GPT2: variants seen among roughly 807,000 people sequenced by gnomAD.
The protein encoded by GPT2 is glutamic--pyruvic transaminase 2.
In GPT2, 30 loss-of-function variants were observed where a neutral mutation model predicts 56.9. The ratio of observed to expected loss-of-function variants is 0.53; its 90% CI spans 0.39 to 0.72. GPT2 has a LOEUF of 0.72. Ranked by LOEUF, GPT2 falls within the 30% of genes least tolerant of loss-of-function variation. GPT2 has a pLI of 0.00. For missense variants in GPT2, 542 were observed against 703.4 expected (o/e 0.77, Z 2.60); for synonymous variants, 271 against 283.1 (o/e 0.96, Z 0.43).
chr16:46,922,559 C>A, intron 9 of GPT2, 143 bp downstream of exon 9: 1 of 704,408 alleles, frequency 1.4e-6, no homozygotes, highest in Non-Finnish European at 2.3e-6. Context: ...CTCTTCAGAG[C>A]CTGAACCACC....
chr16:46,885,242 C>T, intron 2 of GPT2: 1 of 1,194,816 alleles, frequency 8.4e-7, no homozygotes, highest in Non-Finnish European at 1.0e-6. Flanking sequence ...GTCTGCCCTA[C>T]TCTCGTGGAA....
At chr16:46,898,230 C>G (rs565160975) in intron 3 of GPT2, among the ~76,000 whole-genome samples, 1 of 152,146 alleles carries the variant, frequency 6.6e-6, no homozygotes, top group Non-Finnish European at 1.5e-5. Flanking sequence ...CTTGGTGAGG[C>G]GATGAGTGCA....
intron 3 of GPT2, among the ~76,000 whole-genome samples, chr16:46,898,185 A>T (rs997359611): frequency 6.6e-6 from 1 of 152,112 alleles, no homozygotes; most frequent in Non-Finnish European, 1.5e-5. Flanking sequence ...GGCAGGTGGA[A>T]GTTGGCAGAG....
intron 4 of GPT2, among the ~76,000 whole-genome samples, chr16:46,905,894 G>A (rs1567337522): frequency 6.6e-6 from 1 of 151,986 alleles, no homozygotes; most frequent in Non-Finnish European, 1.5e-5. Context: ...AGGACCATTC[G>A]TTAGTTTTAC....
chr16:46,924,188 C>G, intron 9 of GPT2: 1 of 658,728 alleles, frequency 1.5e-6, no homozygotes, highest in South Asian at 1.6e-5. Flanking sequence ...ACCCCACCCA[C>G]TCCGTCTGTG....
At chr16:46,926,357 G>A (rs932170845) in intron 10 of GPT2, among the ~76,000 whole-genome samples, 3 of 151,994 alleles carry the variant, frequency 2.0e-5, no homozygotes, top group South Asian at 2.1e-4. Context: ...GCTGAGGCAG[G>A]AGAATTGCTT....
intron 4 of GPT2, among the ~76,000 whole-genome samples, chr16:46,902,539 A>C (rs1252529433): frequency 6.6e-6 from 1 of 152,172 alleles, no homozygotes; most frequent in Non-Finnish European, 1.5e-5. Context: ...GTAAAAAGAA[A>C]TGGAGCATGT....
At chr16:46,889,607 G>C (rs11865477) in intron 2 of GPT2, among the ~76,000 whole-genome samples, 1 of 152,044 alleles carries the variant, frequency 6.6e-6, no homozygotes. Flanking sequence ...TGAACCCTCC[G>C]CCTACCCAGC....
Position 46,924,384 on chromosome 16 carries a change from A to G in GPT2, c.1213-5A>G. 1 of 1,613,630 alleles carries G rather than the reference A, an allele frequency of 6.2e-7. No individual in the cohort carries two copies. Among genetic ancestry groups the G allele is most frequent in the Non-Finnish European group, 8.5e-7 (1 of 1,179,520 alleles). On this transcript the variant is annotated splice_polypyrimidine_tract_variant and splice_region_variant and intron_variant, in intron 9 of 11. Transcript: ENST00000340124. Reference sequence around the variant, plus strand: ...GACTGCTGTGCTGTTTCCATCTCTCATCAGGAGAAGGAGTCGGTCCTGGGT... The same window carrying G: ...GACTGCTGTGCTGTTTCCATCTCTCGTCAGGAGAAGGAGTCGGTCCTGGGT...
At chr16:46,903,139 C>G (rs1567336675) in intron 4 of GPT2, among the ~76,000 whole-genome samples, 1 of 151,396 alleles carries the variant, frequency 6.6e-6, no homozygotes, top group Non-Finnish European at 1.5e-5. Context: ...ATCCCAGCTA[C>G]TTGGGAGACT....
rs753964633 is a variant in GPT2 at position 46,897,764 on chromosome 16, G to A, written c.333+27G>A. The A allele has an allele frequency of 8.7e-6, 14 of 1,605,140 alleles. 1 individual carries two copies. In the South Asian group the frequency reaches 1.5e-4, roughly 18 times the overall value. On this transcript the variant is annotated intron_variant, in intron 3 of 11. Coordinates refer to ENST00000340124, the MANE Select transcript of GPT2 (RefSeq NM_133443.4). ...TGAGCCGCCCCCAGGAGCAGAGGCT[G>A]CAGGAGGGCAGGGCCCTGGGCTGGG...
chr16:46,896,602 C>T (rs564829336), intron 2 of GPT2, among the ~76,000 whole-genome samples: 23 of 152,276 alleles, frequency 1.5e-4, no homozygotes, highest in African/African-American at 4.3e-4. Context: ...TAGACCATTG[C>T]GGTAGAGCTG....
Position 46,884,370 on chromosome 16 carries a change from C to CGCCGGGCGCGGGG in GPT2, c.-119_-107dup, listed in dbSNP as rs1960436623. ...GAGCGCAGGGGCCGGGCGGCGCGGG[C>CGCCGGGCGCGGGG]GCCGGGCGCGGGGATGCGGCTGTGG... On this transcript the variant is annotated 5_prime_UTR_variant, in exon 1 of 12. Coordinates refer to ENST00000340124, the MANE Select transcript of GPT2 (RefSeq NM_133443.4). The CGCCGGGCGCGGGG allele has an allele frequency of 5.5e-6, 1 of 181,850 alleles. No individual in the cohort carries two copies. The highest frequency in any genetic ancestry group is 1.1e-5 in the Non-Finnish European group (1 of 88,116). 11.3% of individuals were successfully genotyped at this position (181,850 alleles called of 1,614,324 possible). A position where few individuals can be genotyped will look rare whatever the true frequency, so the allele number is the denominator to read the frequency against.
chr16:46,905,383 T>C (rs1344758137), intron 4 of GPT2, among the ~76,000 whole-genome samples: 1 of 152,172 alleles, frequency 6.6e-6, no homozygotes, highest in African/African-American at 2.4e-5. Flanking sequence ...TCCTCCTCGA[T>C]GCCAGGCCTG....
chr16:46,921,199 C>T (rs948378001), intron 8 of GPT2, among the ~76,000 whole-genome samples: 11 of 152,120 alleles, frequency 7.2e-5, no homozygotes, highest in Non-Finnish European at 1.6e-4. Context: ...GATGTAATCT[C>T]GCTCTGGAGC....
rs764452469 is a variant in GPT2, at chr16:46,906,801, G to C, written c.443-41G>C. The C allele has an allele frequency of 4.4e-5, 70 of 1,607,286 alleles. No homozygotes were observed. In the Middle Eastern group the frequency reaches 6.6e-4, roughly 15 times the overall value. On this transcript the variant is annotated intron_variant, in intron 4 of 11. Coordinates refer to ENST00000340124, the MANE Select transcript of GPT2 (RefSeq NM_133443.4). ...TAATTATATTGACCCTGTGGAGCCA[G>C]ACATCCTGCCTCTGTTACTGTCTTG... is the stretch of plus-strand genomic sequence containing the variant.
chr16:46,899,381 G>A (rs886545465), intron 3 of GPT2, among the ~76,000 whole-genome samples: 2 of 152,176 alleles, frequency 1.3e-5, no homozygotes, highest in African/African-American at 2.4e-5. Context: ...CATCAGGGAG[G>A]TTGAGCCCCA....
At chr16:46,911,016 G>T (rs754043) in intron 6 of GPT2, among the ~76,000 whole-genome samples, 1 of 151,936 alleles carries the variant, frequency 6.6e-6, no homozygotes, top group East Asian at 1.9e-4. Context: ...TCATTTTACC[G>T]TCACTCTTCC....
chr16:46,922,478 C>T, intron 9 of GPT2, 62 bp downstream of exon 9: 1 of 1,475,472 alleles, frequency 6.8e-7, no homozygotes, highest in South Asian at 1.3e-5. Flanking sequence ...CCTGCTGGGC[C>T]AGTGGCCAGC....
Sources: gnomAD v4.1 joint callset for allele counts (sites outside exome capture counted in the v4.1 genomes callset) on GRCh38, gnomAD v4.1.1 for gene constraint, MANE v1.5 for transcripts, NCBI Gene and HGNC (gene_info 2026-07-23, HGNC 2026-07-21) for gene names.